The following ZNF251 variants were observed in gnomAD, a reference collection of about 807,000 sequenced individuals.
ZNF251 encodes zinc finger protein 251.
Under a neutral mutation model 13.5 loss-of-function variants are expected in ZNF251, and 14 were observed. The ratio of observed to expected loss-of-function variants is 1.04; its 90% confidence interval spans 0.69 to 1.63. The LOEUF is 1.63. Ranked by LOEUF, ZNF251 falls within the 40% of genes most tolerant of loss-of-function variation. ZNF251 has a pLI of 0.00. For synonymous variants in ZNF251, 287 were observed against 295.2 expected (o/e 0.97, Z 0.28); for missense variants, 764 against 834.9 (o/e 0.92, Z 1.05).
At chr8:144,725,412 T>C (rs529608386) in intron 4 of ZNF251, among the ~76,000 whole-genome samples, 1 of 152,210 alleles carries the variant, frequency 6.6e-6, no homozygotes, top group South Asian at 2.1e-4. Flanking sequence ...CACTTCAGGC[T>C]CCCGAGTAGC....
intron 4 of ZNF251, among the ~76,000 whole-genome samples, chr8:144,748,885 G>A (rs1206264818): frequency 6.6e-6 from 1 of 152,200 alleles, no homozygotes; most frequent in Non-Finnish European, 1.5e-5. Context: ...AGAAAACACA[G>A]TTGGGGCCAG....
rs768003725 is a variant in ZNF251, at chr8:144,733,473, G to A, written c.278-10091C>T. ...CGGCTGCCATGAGGCCTCCGGCAGC[G>A]GCCTGAGTTCCCAACCCCTCCCTCT... On this transcript the variant is annotated intron_variant, in intron 4 of 4. Transcript: ENST00000292562. Among the ~76,000 whole-genome samples the A allele has an allele frequency of 2.2e-4, 34 of 152,334 alleles. No individual in the cohort carries two copies. The South Asian group carries it at 6.0e-3, about 27-fold the overall frequency.
chr8:144,748,109 T>C (rs1824515465), intron 4 of ZNF251, among the ~76,000 whole-genome samples: 1 of 152,054 alleles, frequency 6.6e-6, no homozygotes, highest in African/African-American at 2.4e-5. Flanking sequence ...AGTCTCACTC[T>C]GTCGCCCAGG....
chr8:144,728,339 G>A (rs1242637036), intron 4 of ZNF251, among the ~76,000 whole-genome samples: 1 of 152,044 alleles, frequency 6.6e-6, no homozygotes, highest in Middle Eastern at 3.4e-3. Context: ...ATTAAAGATC[G>A]CAGATCACAG....
At chr8:144,738,477 G>A (rs1824004016) in intron 4 of ZNF251, 2 of 884,400 alleles carry the variant, frequency 2.3e-6, no homozygotes, top group Non-Finnish European at 2.7e-6. Flanking sequence ...AATGGCAACT[G>A]CGGGACCAGG....
chr8:144,721,288 A>G lies in ZNF251; in HGVS notation c.*356T>C, dbSNP rs1823365599. 6.1e-6 allele frequency: 2 copies of G among 326,608 alleles called. No homozygotes were observed. Among genetic ancestry groups the G allele is most frequent in the Middle Eastern group, 1.6e-3 (2 of 1,222 alleles). The allele number at this position is 326,608 out of a possible 1,614,324, so 20.2% of individuals were successfully genotyped here. On this transcript the variant is annotated 3_prime_UTR_variant, in exon 5 of 5. Transcript: ENST00000292562. ...CTGAAAGTGGATGTTCTCAGCCACA[A>G]GCCTGGGCCTGGATAGGAAACAAAG...
Position 144,721,675 on chromosome 8 carries a change from A to C in ZNF251, c.1985T>G (p.Ile662Ser). The C allele has an allele frequency of 7.4e-7, 1 of 1,343,084 alleles. No homozygotes were observed. The highest frequency in any genetic ancestry group is 9.6e-7 in the Non-Finnish European group (1 of 1,037,472). The allele number at this position is 1,343,084 out of a possible 1,614,324, so 83.2% of individuals were successfully genotyped here. Residue 662 changes from isoleucine to serine, a missense_variant, in exon 5 of 5, where the codon ATC becomes AGC. Ile to Ser is a moderately radical substitution (Grantham distance 142). Coordinates refer to ENST00000292562, the MANE Select transcript of ZNF251 (RefSeq NM_138367.2). ...ATGTCTTTCTTGGAAAATCTTCTTGATATGAATAAAGTATCTTTTAGAGCC... is the reference window on the plus strand; with the variant it reads ...ATGTCTTTCTTGGAAAATCTTCTTGCTATGAATAAAGTATCTTTTAGAGCC... ...NDGSKRYFIH[I>S]KKIFQERHF
At chr8:144,727,037 G>T (rs996688272) in intron 4 of ZNF251, among the ~76,000 whole-genome samples, 1 of 152,176 alleles carries the variant, frequency 6.6e-6, no homozygotes, top group African/African-American at 2.4e-5. Flanking sequence ...GGGCAACAGA[G>T]GGACGCCCTG....
intron 4 of ZNF251, among the ~76,000 whole-genome samples, chr8:144,737,828 ACT>A (rs1378738165): frequency 8.6e-6 from 1 of 116,336 alleles, no homozygotes; most frequent in Non-Finnish European, 1.7e-5. Context: ...ACAGAGCGAG[ACT>A]CTGTCTCAAA....
chr8:144,726,537 A>AAATAAT (rs1165426356), intron 4 of ZNF251, among the ~76,000 whole-genome samples: 3 of 151,676 alleles, frequency 2.0e-5, no homozygotes, highest in Non-Finnish European at 4.4e-5. Context: ...CTCTGTCTCA[A>AAATAAT]AATAATAATA....
intron 4 of ZNF251, among the ~76,000 whole-genome samples, chr8:144,751,529 C>A: frequency 6.6e-6 from 1 of 151,756 alleles, no homozygotes; most frequent in African/African-American, 2.4e-5. Context: ...ATACTGTAAA[C>A]CTTAGGAAAA....
intron 4 of ZNF251, among the ~76,000 whole-genome samples, chr8:144,744,482 G>A (rs568633365): frequency 2.0e-5 from 3 of 152,282 alleles, no homozygotes; most frequent in Non-Finnish European, 2.9e-5. Flanking sequence ...GCCATGGAAT[G>A]AAATGTGTCC....
chr8:144,751,882 G>GT lies in ZNF251; in HGVS notation c.277+1800dup, dbSNP rs557289943. On this transcript the variant is annotated intron_variant, in intron 4 of 4. Transcript: ENST00000292562. ...TGAAAGAAGATATACTATGCTAACA[G>GT]TAAGTATAAGAAGGATGGAATTGCT... 4.4e-3 allele frequency among the ~76,000 whole-genome samples: 665 copies of GT among 152,138 alleles called. 3 individuals are homozygous for GT. The highest frequency in any genetic ancestry group is 7.2e-3 in the Non-Finnish European group (488 of 67,974).
chr8:144,730,283 C>A (rs1823655922), intron 4 of ZNF251, among the ~76,000 whole-genome samples: 1 of 152,258 alleles, frequency 6.6e-6, no homozygotes, highest in African/African-American at 2.4e-5. Flanking sequence ...GGTAAGACAG[C>A]CACGGAAAGC....
intron 4 of ZNF251, among the ~76,000 whole-genome samples, chr8:144,738,952 C>T (rs147667567): frequency 1.6e-3 from 241 of 152,220 alleles, no homozygotes; most frequent in Non-Finnish European, 2.4e-3. Context: ...CTTGAAACAG[C>T]GCCAGAGATG....
chr8:144,734,154 C>A lies in ZNF251; in HGVS notation c.278-10772G>T, dbSNP rs540781438. On this transcript the variant is annotated intron_variant, in intron 4 of 4. Transcript: ENST00000292562. This position sits in a 1 kb window ranked among gnomAD's most constrained non-coding sequence, Gnocchi z 4.4. Reference sequence around the variant, plus strand: ...TCTGTTGGGACCTTCCCATGCCACACCTGCCTGGTGTTTTCCTTTGTCCCA... The same window carrying A: ...TCTGTTGGGACCTTCCCATGCCACAACTGCCTGGTGTTTTCCTTTGTCCCA... Among the ~76,000 whole-genome samples, 2 of 152,238 alleles carry A rather than the reference C, an allele frequency of 1.3e-5. No homozygotes were observed. The highest frequency in any genetic ancestry group is 4.1e-4 in the South Asian group (2 of 4,830).
Position 144,723,358 on chromosome 8 carries a change from T to A in ZNF251, c.302A>T (p.Glu101Val). ...AAATTTTTGGTTTAAAATAGATAGTTCCTTCTTGGTCCCAACCTCAGAATC... is the reference window on the plus strand; with the variant it reads ...AAATTTTTGGTTTAAAATAGATAGTACCTTCTTGGTCCCAACCTCAGAATC... ...QKDSEVGTKK[E>V]LSILNQKFSE... Residue 101 changes from glutamate to valine, a missense_variant, in exon 5 of 5, where the codon GAA (glutamate) becomes GTA (valine). By Grantham distance (121) the Glu-to-Val change is moderately radical. Transcript: ENST00000292562. The A allele has an allele frequency of 6.7e-7, 1 of 1,503,620 alleles. No homozygotes were observed. The highest frequency in any genetic ancestry group is 1.4e-5 in the South Asian group (1 of 72,720). The allele number at this position is 1,503,620 out of a possible 1,614,324, so 93.1% of individuals were successfully genotyped here. A position where few individuals can be genotyped will look rare whatever the true frequency, so the allele number is the denominator to read the frequency against.
chr8:144,755,361 T>C (rs1450519598), intron 1 of ZNF251, 44 bp downstream of exon 1: 1 of 1,284,022 alleles, frequency 7.8e-7, no homozygotes, highest in African/African-American at 1.5e-5. Context: ...CCTCCCCGCC[T>C]GCCTGCCCGC....
rs1824011368 is a variant in ZNF251 at position 144,738,647 on chromosome 8, CTCAG to C, written c.277+15032_277+15035del. 5.1e-6 allele frequency: 5 copies of C among 985,332 alleles called. No homozygotes were observed. In the South Asian group the frequency reaches 1.9e-4, roughly 37 times the overall value. The allele number at this position is 985,332 out of a possible 1,614,324, so 61.0% of individuals were successfully genotyped here. ...ACTGCCTTCTGCCCATAGATTTAGA[CTCAG>C]TCAGGCAAGTGGAAACAGCACAGTT... On this transcript the variant is annotated intron_variant, in intron 4 of 4. Coordinates refer to ENST00000292562, the MANE Select transcript of ZNF251 (RefSeq NM_138367.2).
Sources: allele counts gnomAD v4.1 joint callset (sites outside exome capture counted in the v4.1 genomes callset), GRCh38; gene constraint gnomAD v4.1.1; non-coding constraint Gnocchi (gnomAD v3.1); transcripts MANE v1.5; gene names NCBI Gene and HGNC (gene_info 2026-07-23, HGNC 2026-07-21).